PRKCH: variants seen among roughly 807,000 people sequenced by gnomAD.
PRKCH encodes protein kinase C eta.
PRKCH carries 28 observed loss-of-function variants against 82.5 expected under a neutral mutation model. The observed-to-expected ratio is 0.34, with a 90% CI of 0.25 to 0.47. The LOEUF (loss-of-function observed/expected upper bound fraction) is 0.47, where lower values mean the gene tolerates loss of function less well. PRKCH is among the 20% of genes least tolerant of loss of function. The pLI is 1.00. For missense variants in PRKCH, 705 were observed against 881.8 expected, an observed-to-expected ratio of 0.80 and a Z score of 2.54; for synonymous variants, 322 against 327.4, an observed-to-expected ratio of 0.98 and a Z score of 0.18.
At chr14:61,421,371 T>C (rs1882826468) in intron 2 of PRKCH, among the ~76,000 whole-genome samples, 1 of 152,202 alleles carries the variant, frequency 6.6e-6, no homozygotes, top group African/African-American at 2.4e-5. Context: ...ACTTTTATAA[T>C]GTACAAATTG....
chr14:61,354,495 C>G (rs2046123415), intron 1 of PRKCH, among the ~76,000 whole-genome samples: 1 of 150,778 alleles, frequency 6.6e-6, no homozygotes, highest in East Asian at 1.9e-4. Flanking sequence ...TTTTTTTCCC[C>G]CTATATTTAG....
intron 2 of PRKCH, among the ~76,000 whole-genome samples, chr14:61,436,581 G>A (rs117080631): frequency 0.046 from 6,967 of 152,290 alleles, 227 homozygotes; most frequent in Non-Finnish European, 0.07. Flanking sequence ...CGCCCAGGTT[G>A]GAGTATAATG....
rs2045243746 is a variant in PRKCH at position 61,280,164 on chromosome 14, G to A, written c.-19+92496G>A. The A allele has an allele frequency of 1.2e-6, 2 of 1,614,028 alleles. No homozygotes were observed. Among genetic ancestry groups the A allele is most frequent in the Non-Finnish European group, 1.7e-6 (2 of 1,180,026 alleles). On this transcript the variant is annotated intron_variant, in intron 1 of 3. Coordinates refer to the PRKCH transcript ENST00000555185. This position sits in a 1 kb window ranked among gnomAD's most constrained non-coding sequence, Gnocchi z 5.0. ...CCAGCATGACAAAGCCGGTGAGGAT[G>A]CAGAGGGAGCCGACGACCAGGTAGG... is the stretch of plus-strand genomic sequence containing the variant.
chr14:61,452,004 G>A (rs1050151932), intron 6 of PRKCH, among the ~76,000 whole-genome samples: 2 of 152,174 alleles, frequency 1.3e-5, no homozygotes, highest in Non-Finnish European at 2.9e-5. Flanking sequence ...TTAGCGTGAC[G>A]GTCTCACCTG....
At chr14:61,515,220 C>T (rs1249231063) in intron 10 of PRKCH, among the ~76,000 whole-genome samples, 4 of 152,238 alleles carry the variant, frequency 2.6e-5, no homozygotes, top group South Asian at 2.1e-4. Context: ...TATTTGATTA[C>T]GTTGTGAAGT....
chr14:61,546,582 A>G (rs921582669), intron 12 of PRKCH, among the ~76,000 whole-genome samples: 4 of 152,212 alleles, frequency 2.6e-5, no homozygotes, highest in Non-Finnish European at 5.9e-5. Context: ...CTGGCATGGC[A>G]GTGGGAGGTA....
intron 9 of PRKCH, among the ~76,000 whole-genome samples, 157 bp from the exon 10 acceptor site, chr14:61,485,345 C>T (rs1015555868): frequency 2.6e-5 from 4 of 152,058 alleles, no homozygotes; most frequent in Admixed American, 6.6e-5. Context: ...CCCACCAGAC[C>T]GGTTGCACTG....
At chr14:61,312,479 A>G (rs2140110691) in intron 1 of PRKCH, among the ~76,000 whole-genome samples, 1 of 152,370 alleles carries the variant, frequency 6.6e-6, no homozygotes, top group East Asian at 1.9e-4. Context: ...ACATCCTGGT[A>G]AAATAGTCAA....
chr14:61,317,937 A>T (rs992511738), upstream of PRKCH, among the ~76,000 whole-genome samples: 5 of 152,128 alleles, frequency 3.3e-5, no homozygotes, highest in African/African-American at 1.2e-4. Context: ...GAGTGTCACA[A>T]CCACATAGCC....
At chr14:61,521,169 T>C (rs1478989952) in intron 10 of PRKCH, among the ~76,000 whole-genome samples, 3 of 152,214 alleles carry the variant, frequency 2.0e-5, no homozygotes, top group Non-Finnish European at 4.4e-5. Flanking sequence ...ACTGAACCCA[T>C]CATCATTTTC....
chr14:61,228,591 C>T (rs2044715948), intron 1 of PRKCH, among the ~76,000 whole-genome samples: 3 of 134,836 alleles, frequency 2.2e-5, no homozygotes, highest in Admixed American at 1.6e-4. Flanking sequence ...GATAGCAGCT[C>T]ACAGTTGTAT....
At chr14:61,431,055 A>G (rs1479616770) in intron 2 of PRKCH, among the ~76,000 whole-genome samples, 1 of 152,216 alleles carries the variant, frequency 6.6e-6, no homozygotes, top group Non-Finnish European at 1.5e-5. Context: ...CACCCGGCCA[A>G]TCAGTAGCTT....
chr14:61,197,227 T>C (rs2044447744), intron 1 of PRKCH, among the ~76,000 whole-genome samples: 1 of 152,228 alleles, frequency 6.6e-6, no homozygotes, highest in South Asian at 2.1e-4. Context: ...ACAATATAAA[T>C]AAAAGGACAT....
At chr14:61,544,427 C>T (rs545673799) in intron 12 of PRKCH, 1 of 152,288 alleles carries the variant, frequency 6.6e-6, no homozygotes, top group Admixed American at 6.5e-5. Flanking sequence ...ACTAGGTAGG[C>T]CAAATAAAAT....
chr14:61,331,209 C>T (rs2045783131), intron 1 of PRKCH, among the ~76,000 whole-genome samples: 1 of 151,912 alleles, frequency 6.6e-6, no homozygotes, highest in Non-Finnish European at 1.5e-5. Flanking sequence ...TTATAAAATG[C>T]ATTAGTTTAG....
At position 61,322,177 on chromosome 14, in the gene PRKCH, C is replaced by T. The variant is rs574074666; in HGVS notation, c.76C>T (p.Arg26Cys). ...TGAGGCAGTGGGGCTGCAGCCCACCCGCTGGTCCCTGCGCCACTCGCTCTT... is the reference window on the plus strand; with the variant it reads ...TGAGGCAGTGGGGCTGCAGCCCACCTGCTGGTCCCTGCGCCACTCGCTCTT... ...IGEAVGLQPT[R>C]WSLRHSLFKK... The change falls in exon 1 of 14, where the codon CGC (arginine) becomes TGC (cysteine). Residue 26 changes from arginine (R) to cysteine (C), a missense_variant. Physicochemically the swap from Arg to Cys is radical, Grantham distance 180 (BLOSUM62 -3). This residue lies in a region of PRKCH where 246 missense variants were observed against 308.0 expected (regional missense o/e 0.80). Transcript: ENST00000332981. 1 of 1,610,994 alleles carries T rather than the reference C, an allele frequency of 6.2e-7. No homozygotes were observed. The highest frequency in any genetic ancestry group is 2.2e-5 in the East Asian group (1 of 44,626).
intron 1 of PRKCH, among the ~76,000 whole-genome samples, chr14:61,345,445 C>T (rs1387888966): frequency 6.6e-6 from 1 of 152,208 alleles, no homozygotes; most frequent in East Asian, 1.9e-4. Context: ...GGAGGCAAGG[C>T]TGACAGCCAC....
chr14:61,466,041 G>A (rs1885240804), intron 9 of PRKCH, among the ~76,000 whole-genome samples: 1 of 152,158 alleles, frequency 6.6e-6, no homozygotes, highest in South Asian at 2.1e-4. Flanking sequence ...AGGTTATGAT[G>A]ATGAACAGTC....
At chr14:61,531,092 C>T (rs2140008957) in intron 12 of PRKCH, among the ~76,000 whole-genome samples, 1 of 152,292 alleles carries the variant, frequency 6.6e-6, no homozygotes, top group East Asian at 1.9e-4. Flanking sequence ...CCATGTTATT[C>T]TTATGAAAGC....
Sources: gnomAD v4.1 joint callset for allele counts (sites outside exome capture counted in the v4.1 genomes callset) on GRCh38, gnomAD v4.1.1 for gene constraint, gnomAD v4.1.1 regional missense constraint, Gnocchi (gnomAD v3.1) non-coding constraint, MANE v1.5 for transcripts, NCBI Gene and HGNC (gene_info 2026-07-23, HGNC 2026-07-21) for gene names.